The following SLC9A9 variants were observed in gnomAD, a reference collection of about 807,000 sequenced individuals.
The protein encoded by SLC9A9 is solute carrier family 9 member A9.
SLC9A9 carries 62 observed loss-of-function variants against 77.8 expected under a neutral mutation model. The ratio of observed to expected loss-of-function variants is 0.80; its 90% CI spans 0.65 to 0.98. SLC9A9 has a LOEUF of 0.98. SLC9A9 is among the 50% of genes least tolerant of loss of function. The pLI, the probability that SLC9A9 is intolerant of heterozygous loss-of-function variation, is 0.00. For synonymous variants in SLC9A9, 320 were observed against 283.5 expected (o/e 1.13, Z -1.29); for missense variants, 775 against 774.9 (o/e 1.00, Z 0.00).
chr3:143,526,556 G>T (rs2036409319), intron 9 of SLC9A9, among the ~76,000 whole-genome samples: 1 of 152,014 alleles, frequency 6.6e-6, no homozygotes, highest in Admixed American at 6.6e-5. Context: ...CCCCCAAATT[G>T]TCCCTGCCAT....
intron 14 of SLC9A9, among the ~76,000 whole-genome samples, chr3:143,301,445 G>A (rs2030510406): frequency 6.6e-6 from 1 of 152,188 alleles, no homozygotes; most frequent in Admixed American, 6.5e-5. Context: ...GGCCTTGCAG[G>A]ATTAGCCTTT....
intron 13 of SLC9A9, among the ~76,000 whole-genome samples, chr3:143,379,112 A>C (rs978301759): frequency 1.3e-5 from 2 of 152,082 alleles, no homozygotes. Context: ...CAAAATTTTT[A>C]GCCTTTGGTA....
At chr3:143,582,317 A>G (rs944799903) in intron 6 of SLC9A9, among the ~76,000 whole-genome samples, 11 of 152,212 alleles carry the variant, frequency 7.2e-5, no homozygotes, top group Admixed American at 3.3e-4. Flanking sequence ...ATCCCCTAGA[A>G]ATGTTGTGAG....
At chr3:143,496,980 G>T (rs2035846553) in intron 9 of SLC9A9, among the ~76,000 whole-genome samples, 1 of 152,130 alleles carries the variant, frequency 6.6e-6, no homozygotes. Context: ...AGGAGAGAGA[G>T]ATCATCACTT....
At chr3:143,724,395 T>C (rs1934584896) in intron 4 of SLC9A9, among the ~76,000 whole-genome samples, 1 of 152,218 alleles carries the variant, frequency 6.6e-6, no homozygotes, top group Non-Finnish European at 1.5e-5. Context: ...TAAACTTCTT[T>C]TCTTCATAAA....
chr3:143,547,157 C>T (rs2108634952), intron 9 of SLC9A9, among the ~76,000 whole-genome samples: 1 of 152,296 alleles, frequency 6.6e-6, no homozygotes, highest in South Asian at 2.1e-4. Flanking sequence ...TTTTGGATTT[C>T]TTAACATTGG....
chr3:143,546,101 A>G (rs2036784352), intron 9 of SLC9A9, among the ~76,000 whole-genome samples: 1 of 152,228 alleles, frequency 6.6e-6, no homozygotes, highest in African/African-American at 2.4e-5. Flanking sequence ...GGCAAGACCC[A>G]GTTTTCTAGA....
intron 11 of SLC9A9, among the ~76,000 whole-genome samples, chr3:143,485,056 T>C (rs770965142): frequency 6.6e-6 from 1 of 152,204 alleles, no homozygotes; most frequent in Non-Finnish European, 1.5e-5. Flanking sequence ...TTTTGGTCAA[T>C]TATAGTTCTT....
intron 11 of SLC9A9, among the ~76,000 whole-genome samples, chr3:143,471,457 A>C (rs2108572780): frequency 6.6e-6 from 1 of 152,308 alleles, no homozygotes; most frequent in South Asian, 2.1e-4. Context: ...TTTAGGATTG[A>C]AATAGATTAT....
intron 14 of SLC9A9, among the ~76,000 whole-genome samples, chr3:143,349,369 A>G (rs1403918765): frequency 6.6e-6 from 1 of 152,212 alleles, no homozygotes; most frequent in Non-Finnish European, 1.5e-5. Flanking sequence ...GACTAGCCTC[A>G]TCCCACAGAA....
At chr3:143,550,759 TTG>T (rs2036867829) in intron 9 of SLC9A9, among the ~76,000 whole-genome samples, 1 of 152,104 alleles carries the variant, frequency 6.6e-6, no homozygotes, top group Non-Finnish European at 1.5e-5. Flanking sequence ...GACACTAGGG[TTG>T]TGTGGTTGTT....
intron 11 of SLC9A9, among the ~76,000 whole-genome samples, chr3:143,469,115 G>A (rs967912383): frequency 2.0e-5 from 3 of 152,188 alleles, no homozygotes; most frequent in Non-Finnish European, 2.9e-5. Context: ...AGCTGAGATC[G>A]TGCCATTGCA....
At chr3:143,798,347 G>T (rs1352303717) in intron 2 of SLC9A9, among the ~76,000 whole-genome samples, 1 of 152,066 alleles carries the variant, frequency 6.6e-6, no homozygotes, top group Non-Finnish European at 1.5e-5. Flanking sequence ...ACATTCCATT[G>T]GTGTGTGATC....
chr3:143,451,200 T>C (rs1239098955), intron 12 of SLC9A9, among the ~76,000 whole-genome samples: 1 of 152,048 alleles, frequency 6.6e-6, no homozygotes, highest in Non-Finnish European at 1.5e-5. Flanking sequence ...CTAATTTTCA[T>C]CCAAACATTT....
At chr3:143,571,857 T>C (rs1290734990) in intron 8 of SLC9A9, among the ~76,000 whole-genome samples, 1 of 152,212 alleles carries the variant, frequency 6.6e-6, no homozygotes, top group African/African-American at 2.4e-5. Context: ...AATCTGGAAA[T>C]AGGCAAGGAT....
intron 14 of SLC9A9, among the ~76,000 whole-genome samples, chr3:143,306,539 A>G (rs538818973): frequency 2.0e-5 from 3 of 152,352 alleles, no homozygotes; most frequent in South Asian, 2.1e-4. Context: ...TGTAAGCTCC[A>G]TGAAGGCTAG....
intron 14 of SLC9A9, among the ~76,000 whole-genome samples, chr3:143,304,250 T>C (rs946236475): frequency 7.9e-5 from 12 of 152,238 alleles, no homozygotes; most frequent in Non-Finnish European, 1.2e-4. Flanking sequence ...TTCTCCTAGA[T>C]AGATGGCCTC....
intron 12 of SLC9A9, among the ~76,000 whole-genome samples, chr3:143,391,642 C>T (rs1189457136): frequency 6.6e-6 from 1 of 152,190 alleles, no homozygotes; most frequent in Non-Finnish European, 1.5e-5. Context: ...TTCAAACGAT[C>T]AAACTTCTCC....
chr3:143,282,497 C>T (rs1425439415), intron 14 of SLC9A9, among the ~76,000 whole-genome samples: 1 of 152,192 alleles, frequency 6.6e-6, no homozygotes, highest in African/African-American at 2.4e-5. Context: ...TCTCCCTCTC[C>T]TCCTTACAAT....
Sources: gnomAD v4.1 joint callset for allele counts (sites outside exome capture counted in the v4.1 genomes callset) on GRCh38, gnomAD v4.1.1 for gene constraint, MANE v1.5 for transcripts, NCBI Gene and HGNC (gene_info 2026-07-23, HGNC 2026-07-21) for gene names.